Variants in CRTC1 observed in about 807,000 individuals in gnomAD.
CRTC1 encodes CREB-regulated transcription coactivator 1.
A neutral mutation model predicts 66.1 loss-of-function variants in CRTC1; 18 were observed. The ratio of observed to expected loss-of-function variants is 0.27; its 90% confidence interval spans 0.19 to 0.40. The LOEUF is 0.40. Among genes scored for constraint, CRTC1 ranks in the 10% least tolerant of loss-of-function variants. The pLI is 1.00. For missense variants in CRTC1, 669 were observed against 887.9 expected (o/e 0.75, Z 3.13); for synonymous variants, 416 against 398.8 (o/e 1.04, Z -0.51).
At chr19:18,704,869 C>T (rs1205880612) in intron 1 of CRTC1, among the ~76,000 whole-genome samples, 2 of 151,952 alleles carry the variant, frequency 1.3e-5, no homozygotes, top group Non-Finnish European at 2.9e-5. Flanking sequence ...CGCACAGAAA[C>T]TCTGTCCCCA....
intron 1 of CRTC1, among the ~76,000 whole-genome samples, chr19:18,691,157 A>G (rs978551514): frequency 6.7e-6 from 1 of 148,656 alleles, no homozygotes; most frequent in African/African-American, 2.5e-5. Flanking sequence ...AATTATAATC[A>G]CTCCAGCCTG....
chr19:18,706,446 TC>T (rs923731105), intron 1 of CRTC1, among the ~76,000 whole-genome samples: 3 of 151,428 alleles, frequency 2.0e-5, no homozygotes, highest in Non-Finnish European at 4.4e-5. Flanking sequence ...CCTCAGATGA[TC>T]CCCCCCGCCT....
intron 1 of CRTC1, among the ~76,000 whole-genome samples, chr19:18,702,999 T>C (rs2145544442): frequency 6.6e-6 from 1 of 151,848 alleles, no homozygotes; most frequent in South Asian, 2.1e-4. Context: ...GTTGCCTCAA[T>C]TTCCTGGGCT....
rs1249204880 is a variant in CRTC1 at position 18,764,689 on chromosome 19, T to C, written c.887-715T>C. ...AAGGATGTTAAGGAGTGACATTCTT[T>C]AGTTCAGACAGCCTGATGGGTGGCA... On this transcript the variant is annotated intron_variant, in intron 8 of 13. Transcript: ENST00000321949. 2.6e-5 allele frequency among the ~76,000 whole-genome samples: 4 copies of C among 152,296 alleles called. No individual in the cohort carries two copies. The East Asian group carries it at 7.7e-4, about 29-fold the overall frequency.
At chr19:18,735,488 T>G (rs995911716) in intron 1 of CRTC1, 8 of 152,138 alleles carry the variant, frequency 5.3e-5, no homozygotes, top group Non-Finnish European at 1.2e-4. Flanking sequence ...GAAGCCGAGG[T>G]CTCAACTGCA....
In CRTC1 at chr19:18,714,774, C is replaced by T. The variant is rs114583239; in HGVS notation, c.127-28136C>T. 6.0e-3 allele frequency among the ~76,000 whole-genome samples: 907 copies of T among 152,298 alleles called. 17 individuals are homozygous for T. The highest frequency in any genetic ancestry group is 0.021 in the African/African-American group (857 of 41,556). ...CGTTCTCACCCCCAAATGTTGATGA[C>T]CCCCGGGGAACCTCCAACCCTGTGG... On this transcript the variant is annotated intron_variant, in intron 1 of 13. Coordinates refer to ENST00000321949, the MANE Select transcript of CRTC1 (RefSeq NM_015321.3).
intron 1 of CRTC1, among the ~76,000 whole-genome samples, chr19:18,725,557 A>G (rs2053731151): frequency 6.6e-6 from 1 of 152,134 alleles, no homozygotes; most frequent in Non-Finnish European, 1.5e-5. Context: ...CATCAGTGCC[A>G]GACCTGTGGC....
chr19:18,750,020 G>A (rs528624228), intron 5 of CRTC1, 145 bp downstream of exon 5: 16 of 694,164 alleles, frequency 2.3e-5, no homozygotes, highest in Middle Eastern at 3.2e-4. Flanking sequence ...GGAGGGGATC[G>A]GAAACTTTCA....
chr19:18,726,236 G>A (rs1046577353), intron 1 of CRTC1, among the ~76,000 whole-genome samples: 2 of 152,250 alleles, frequency 1.3e-5, no homozygotes, highest in African/African-American at 4.8e-5. Context: ...TGGCTCAGCC[G>A]GCGCTCCCAG....
Position 18,714,443 on chromosome 19 carries a change from G to A in CRTC1, c.127-28467G>A, listed in dbSNP as rs1407343301. Among the ~76,000 whole-genome samples the A allele has an allele frequency of 2.0e-5, 3 of 152,116 alleles. No homozygotes were observed. The East Asian group carries it at 5.8e-4, about 29-fold the overall frequency. On this transcript the variant is annotated intron_variant, in intron 1 of 13. Transcript: ENST00000321949. ...CTGCCTCAGCCTCCTGAGTAGCTGG[G>A]ATTACAGGTGTGCACCACCACGCCC...
In CRTC1 at chr19:18,760,946, C is replaced by T. The variant is rs912406858; in HGVS notation, c.886+718C>T. Among the ~76,000 whole-genome samples, 27 of 152,154 alleles carry T rather than the reference C, an allele frequency of 1.8e-4. No individual in the cohort carries two copies. Among genetic ancestry groups the T allele is most frequent in the Admixed American group, 1.4e-3 (22 of 15,288 alleles). Reference sequence around the variant, plus strand: ...CAGCCCCCTCCCCACCTAGAACAGCCACCAGCCATGGCTTCCTCCACTTGG... The same window carrying T: ...CAGCCCCCTCCCCACCTAGAACAGCTACCAGCCATGGCTTCCTCCACTTGG... On this transcript the variant is annotated intron_variant, in intron 8 of 13. Transcript: ENST00000321949. This position sits in a 1 kb window ranked among gnomAD's most constrained non-coding sequence, Gnocchi z 6.2.
Position 18,747,129 on chromosome 19 carries a change from A to ACC in CRTC1, c.443+24_443+25dup, listed in dbSNP as rs56040769. 0.015 allele frequency: 16,255 copies of ACC among 1,103,300 alleles called. 30 individuals are homozygous for ACC. The highest frequency in any genetic ancestry group is 0.059 in the African/African-American group (2,716 of 45,742). 68.3% of individuals were successfully genotyped at this position (1,103,300 alleles called of 1,614,324 possible). A position where few individuals can be genotyped will look rare whatever the true frequency, so the allele number is the denominator to read the frequency against. On this transcript the variant is annotated intron_variant, in intron 4 of 13. Coordinates refer to ENST00000321949, the MANE Select transcript of CRTC1 (RefSeq NM_015321.3). Reference sequence around the variant, plus strand: ...AGCTGGAGAAGGTCAGTGGCTGGACACCCCCCCCCCGCCCCCTTCTTGTTG... The same window carrying ACC: ...AGCTGGAGAAGGTCAGTGGCTGGACACCCCCCCCCCCCGCCCCCTTCTTGTTG...
chr19:18,769,566 C>A (rs2054815967), intron 10 of CRTC1, among the ~76,000 whole-genome samples: 1 of 152,178 alleles, frequency 6.6e-6, no homozygotes, highest in Admixed American at 6.5e-5. Context: ...GGGTAGACAC[C>A]CATGTTCCCA....
At chr19:18,752,114 C>T (rs993312814) in intron 5 of CRTC1, among the ~76,000 whole-genome samples, 3 of 146,948 alleles carry the variant, frequency 2.0e-5, no homozygotes, top group African/African-American at 7.6e-5. Context: ...GGTGCCACTG[C>T]ACTCCAGCCT....
chr19:18,729,276 A>G (rs2053831418), intron 1 of CRTC1, among the ~76,000 whole-genome samples: 1 of 151,072 alleles, frequency 6.6e-6, no homozygotes, highest in African/African-American at 2.4e-5. Flanking sequence ...ATACAAAAAA[A>G]TTAGCCGGGC....
intron 1 of CRTC1, among the ~76,000 whole-genome samples, chr19:18,733,630 T>C (rs954440741): frequency 3.9e-5 from 6 of 152,286 alleles, no homozygotes; most frequent in African/African-American, 1.4e-4. Context: ...TCGGCAGATG[T>C]TTACTGAGGA....
chr19:18,747,517 TC>T (rs1489790214), intron 4 of CRTC1, among the ~76,000 whole-genome samples: 2 of 152,026 alleles, frequency 1.3e-5, no homozygotes, highest in Admixed American at 1.3e-4. Context: ...ATGCCTGTAA[TC>T]CCCAGCTACT....
chr19:18,726,014 C>T (rs1364647303), intron 1 of CRTC1, among the ~76,000 whole-genome samples: 2 of 152,224 alleles, frequency 1.3e-5, no homozygotes, highest in African/African-American at 4.8e-5. Context: ...TGCTTCCTCC[C>T]GACTCATGTA....
chr19:18,737,102 G>T (rs929344447), intron 1 of CRTC1, among the ~76,000 whole-genome samples: 11 of 152,142 alleles, frequency 7.2e-5, no homozygotes, highest in African/African-American at 2.2e-4. Context: ...CACTTCCTGG[G>T]CGGGGCAGGG....
Sources: gnomAD v4.1 joint callset for allele counts (sites outside exome capture counted in the v4.1 genomes callset) on GRCh38, gnomAD v4.1.1 for gene constraint, Gnocchi (gnomAD v3.1) non-coding constraint, MANE v1.5 for transcripts, NCBI Gene and HGNC (gene_info 2026-07-23, HGNC 2026-07-21) for gene names.